Variants in PLVAP observed in about 807,000 individuals in gnomAD.
PLVAP encodes plasmalemma vesicle-associated protein.
In PLVAP, 34 loss-of-function variants were observed where a neutral mutation model predicts 43.1. The ratio of observed to expected loss-of-function variants is 0.79; its 90% CI spans 0.60 to 1.05. PLVAP has a LOEUF of 1.05. PLVAP is among the 50% of genes least tolerant of loss of function. The pLI, the probability that PLVAP is intolerant of heterozygous loss-of-function variation, is 0.00. For missense variants in PLVAP, 574 were observed against 593.4 expected, an observed-to-expected ratio of 0.97 and a Z score of 0.34; for synonymous variants, 241 against 237.3, an observed-to-expected ratio of 1.02 and a Z score of -0.14.
intron 1 of PLVAP, among the ~76,000 whole-genome samples, chr19:17,366,756 C>T (rs374180421): frequency 1.2e-3 from 182 of 151,788 alleles, no homozygotes; most frequent in African/African-American, 3.7e-3. Context: ...CTCAGCCTCC[C>T]AAGCAGCTGA....
intron 1 of PLVAP, among the ~76,000 whole-genome samples, chr19:17,373,362 A>T (rs987985916): frequency 1.3e-5 from 2 of 151,552 alleles, no homozygotes; most frequent in Admixed American, 1.3e-4. Flanking sequence ...CGAGGGGTTG[A>T]GGTGGAGGTA....
intron 1 of PLVAP, among the ~76,000 whole-genome samples, chr19:17,368,023 G>A (rs894538893): frequency 2.9e-5 from 4 of 139,286 alleles, no homozygotes; most frequent in Admixed American, 1.4e-4. Flanking sequence ...TCAGCCTCCC[G>A]AGTAGTTGGG....
At chr19:17,363,053 C>T (rs547775580) in intron 3 of PLVAP, among the ~76,000 whole-genome samples, 65 of 152,242 alleles carry the variant, frequency 4.3e-4, no homozygotes, top group Middle Eastern at 3.4e-3. Flanking sequence ...AACTCAGCCT[C>T]GATTCTTTCA....
At chr19:17,362,006 G>A (rs1158894878) in intron 3 of PLVAP, 1 of 152,102 alleles carries the variant, frequency 6.6e-6, no homozygotes, top group South Asian at 2.1e-4. Flanking sequence ...AGAATTGCTT[G>A]AACCTGGGAG....
In PLVAP at chr19:17,376,596, G is replaced by C. The variant is rs1599581288; in HGVS notation, c.369+324C>G. On this transcript the variant is annotated intron_variant, in intron 1 of 5. Transcript: ENST00000252590. ...GCGTATCACTTGAGGTCAGGAGTTT[G>C]AGACCAGCCTGGCCAACATGGTGAA... 4.6e-5 allele frequency among the ~76,000 whole-genome samples: 7 copies of C among 152,208 alleles called. 1 individual carries two copies. In the South Asian group the frequency reaches 1.5e-3, roughly 32 times the overall value.
At chr19:17,367,220 TG>T (rs2074553988) in intron 1 of PLVAP, among the ~76,000 whole-genome samples, 1 of 151,680 alleles carries the variant, frequency 6.6e-6, no homozygotes, top group Admixed American at 6.6e-5. Flanking sequence ...TGAATTTTTT[TG>T]TTTTTTTTAA....
At chr19:17,373,665 C>A (rs2145727517) in intron 1 of PLVAP, among the ~76,000 whole-genome samples, 1 of 152,146 alleles carries the variant, frequency 6.6e-6, no homozygotes, top group East Asian at 1.9e-4. Flanking sequence ...GGCGGGACAC[C>A]CCCTGGATGA....
At chr19:17,369,728 C>A (rs1217608263) in intron 1 of PLVAP, among the ~76,000 whole-genome samples, 2 of 151,090 alleles carry the variant, frequency 1.3e-5, no homozygotes, top group African/African-American at 4.8e-5. Context: ...CGGCTGGGCG[C>A]GGTGGCTCAC....
At chr19:17,373,562 C>T (rs1395566656) in intron 1 of PLVAP, among the ~76,000 whole-genome samples, 1 of 152,058 alleles carries the variant, frequency 6.6e-6, no homozygotes, top group Non-Finnish European at 1.5e-5. Context: ...GAAGCTGCCT[C>T]TTCAGCCTTC....
In PLVAP at chr19:17,360,780, T is replaced by C; in HGVS notation, c.1232A>G (p.Gln411Arg). The change falls in exon 4 of 6, where the codon CAG becomes CGG. Residue 411 changes from glutamine (Q) to arginine (R), a missense_variant. Coordinates refer to ENST00000252590, the MANE Select transcript of PLVAP (RefSeq NM_031310.3). ...SRPMGPVPNP[Q>R]PIDPASLEEF... ...TGTCTTTTGTCACTCACCGATGGGC[T>C]GGGGGTTGGGGACAGGGCCCATGGG... The C allele has an allele frequency of 1.2e-6, 2 of 1,613,588 alleles. No homozygotes were observed. Among genetic ancestry groups the C allele is most frequent in the Non-Finnish European group, 1.7e-6 (2 of 1,179,578 alleles).
chr19:17,375,285 T>C (rs1398881877), intron 1 of PLVAP, among the ~76,000 whole-genome samples: 3 of 152,148 alleles, frequency 2.0e-5, no homozygotes, highest in Non-Finnish European at 4.4e-5. Context: ...AGCTTGTGTG[T>C]GCTGGACCCC....
At chr19:17,355,933 CAT>C (rs1455268823) in intron 5 of PLVAP, among the ~76,000 whole-genome samples, 3 of 152,266 alleles carry the variant, frequency 2.0e-5, no homozygotes, top group East Asian at 1.9e-4. Flanking sequence ...TGCTCTGCCT[CAT>C]GTGATCTGCA....
intron 1 of PLVAP, among the ~76,000 whole-genome samples, chr19:17,373,645 T>C (rs1439810791): frequency 6.6e-6 from 1 of 151,864 alleles, no homozygotes; most frequent in Non-Finnish European, 1.5e-5. Flanking sequence ...CCCCACAATG[T>C]CTCAGGGCAG....
intron 5 of PLVAP, among the ~76,000 whole-genome samples, chr19:17,357,731 C>G (rs1436292002): frequency 6.6e-6 from 1 of 152,206 alleles, no homozygotes; most frequent in African/African-American, 2.4e-5. Context: ...TAACCCAGAG[C>G]AGACAGCCCC....
At chr19:17,357,779 G>A (rs1449883804) in intron 5 of PLVAP, among the ~76,000 whole-genome samples, 1 of 152,238 alleles carries the variant, frequency 6.6e-6, no homozygotes, top group Admixed American at 6.5e-5. Flanking sequence ...GGGAAGGCGA[G>A]TCAAGGGCAG....
intron 1 of PLVAP, among the ~76,000 whole-genome samples, chr19:17,374,430 A>C (rs867248912): frequency 6.6e-5 from 10 of 152,226 alleles, no homozygotes; most frequent in Middle Eastern, 6.8e-3. Flanking sequence ...GCGCCACTGC[A>C]CTCCAGCCTG....
chr19:17,364,621 A>C (rs564855733), intron 3 of PLVAP, among the ~76,000 whole-genome samples: 2 of 152,270 alleles, frequency 1.3e-5, no homozygotes, highest in South Asian at 2.1e-4. Flanking sequence ...TAGGGCGGAC[A>C]GCCACCAACA....
intron 3 of PLVAP, among the ~76,000 whole-genome samples, chr19:17,364,247 A>G (rs139428326): frequency 0.012 from 1,852 of 151,990 alleles, 29 homozygotes; most frequent in African/African-American, 0.042. Flanking sequence ...CGCCACGCCC[A>G]GCTAATTTTT....
intron 5 of PLVAP, among the ~76,000 whole-genome samples, chr19:17,355,952 G>A (rs1258618365): frequency 1.3e-5 from 2 of 152,102 alleles, no homozygotes; most frequent in East Asian, 1.9e-4. Context: ...TGCAGGAAGG[G>A]ACACTCAGTC....
Sources: gnomAD v4.1 joint callset for allele counts (sites outside exome capture counted in the v4.1 genomes callset) on GRCh38, gnomAD v4.1.1 for gene constraint, MANE v1.5 for transcripts, NCBI Gene and HGNC (gene_info 2026-07-23, HGNC 2026-07-21) for gene names.